CCSER1: variants seen among roughly 807,000 people sequenced by gnomAD.
CCSER1 encodes the protein serine-rich coiled-coil domain-containing protein 1.
A neutral mutation model predicts 82.0 loss-of-function variants in CCSER1; 41 were observed. The observed-to-expected ratio is 0.50, with a 90% CI of 0.39 to 0.65. The LOEUF is 0.65. Ranked by LOEUF, CCSER1 falls within the 30% of genes least tolerant of loss-of-function variation. The probability of loss-of-function intolerance (pLI) is 0.00; values close to 1 mark genes in which losing one functional copy is unlikely to be tolerated. For synonymous variants in CCSER1, 414 were observed against 383.9 expected (o/e 1.08, Z -0.92); for missense variants, 1,119 against 1,064.2 (o/e 1.05, Z -0.72).
intron 10 of CCSER1, among the ~76,000 whole-genome samples, chr4:91,174,372 T>C (rs1402263842): frequency 6.6e-6 from 1 of 152,166 alleles, no homozygotes; most frequent in Non-Finnish European, 1.5e-5. Flanking sequence ...GATTTCTTGA[T>C]GCAAGAGTAT....
At chr4:91,425,196 T>G (rs190762656) in intron 10 of CCSER1, among the ~76,000 whole-genome samples, 3 of 152,260 alleles carry the variant, frequency 2.0e-5, no homozygotes, top group South Asian at 2.1e-4. Context: ...TTGACATGTT[T>G]GGGTGAACAT....
intron 6 of CCSER1, among the ~76,000 whole-genome samples, chr4:90,658,765 C>T (rs1323536675): frequency 2.0e-5 from 3 of 152,130 alleles, no homozygotes; most frequent in Non-Finnish European, 4.4e-5. Context: ...AATCAATAAA[C>T]ATTTAAATAT....
rs1475322309 is a variant in CCSER1 at position 91,314,691 on chromosome 4, T to C, written c.2217+228697T>C. On this transcript the variant is annotated intron_variant, in intron 10 of 10. Coordinates refer to ENST00000509176, the MANE Select transcript of CCSER1 (RefSeq NM_001145065.2). ...ACTTTTCCAAGAGTGCTCCCTCCCT[T>C]CTTCACTGCCTTCTAAGATTCTCAA... Among the ~76,000 whole-genome samples the C allele has an allele frequency of 2.0e-5, 3 of 151,978 alleles. 1 individual carries two copies. Among genetic ancestry groups the C allele is most frequent in the South Asian group, 4.1e-4 (2 of 4,828 alleles).
chr4:90,675,540 T>C (rs542704728), intron 6 of CCSER1, among the ~76,000 whole-genome samples: 2 of 152,052 alleles, frequency 1.3e-5, no homozygotes, highest in African/African-American at 4.8e-5. Context: ...ATCTTATGGG[T>C]AGACCAATTT....
chr4:90,601,346 A>T (rs965825753), intron 5 of CCSER1, among the ~76,000 whole-genome samples: 1 of 151,760 alleles, frequency 6.6e-6, no homozygotes. Context: ...TCAGGTTGTA[A>T]ATTTCCTTTC....
intron 2 of CCSER1, among the ~76,000 whole-genome samples, chr4:90,311,418 G>T (rs1038651318): frequency 1.5e-4 from 23 of 152,072 alleles, no homozygotes; most frequent in Admixed American, 1.3e-3. Context: ...TAATTTTGCT[G>T]ATTTGATAAT....
At chr4:90,994,299 C>G (rs1460185598) in intron 9 of CCSER1, among the ~76,000 whole-genome samples, 1 of 152,078 alleles carries the variant, frequency 6.6e-6, no homozygotes. Context: ...TACAAATGTG[C>G]TCAGAACCCT....
chr4:90,169,845 T>A (rs1277331975), intron 1 of CCSER1, among the ~76,000 whole-genome samples: 1 of 151,948 alleles, frequency 6.6e-6, no homozygotes, highest in Non-Finnish European at 1.5e-5. Flanking sequence ...CTAGTGTCCC[T>A]CTCACGTTTT....
chr4:91,567,778 T>C (rs1762962142), intron 10 of CCSER1, among the ~76,000 whole-genome samples: 1 of 152,136 alleles, frequency 6.6e-6, no homozygotes, highest in African/African-American at 2.4e-5. Flanking sequence ...GAGATGGGAC[T>C]CTTGAAGACA....
At chr4:90,251,518 TA>T (rs896603453) in intron 1 of CCSER1, among the ~76,000 whole-genome samples, 3 of 151,898 alleles carry the variant, frequency 2.0e-5, no homozygotes, top group Non-Finnish European at 4.4e-5. Context: ...TGATATGGTA[TA>T]TTATATTGAT....
At chr4:90,214,116 G>A (rs1394435040) in intron 1 of CCSER1, among the ~76,000 whole-genome samples, 6 of 152,168 alleles carry the variant, frequency 3.9e-5, no homozygotes, top group Admixed American at 3.9e-4. Flanking sequence ...TTTCTGGAAT[G>A]AGGCGATTAA....
chr4:91,590,419 A>T (rs1178924793), intron 10 of CCSER1, among the ~76,000 whole-genome samples: 1 of 152,150 alleles, frequency 6.6e-6, no homozygotes, highest in African/African-American at 2.4e-5. Context: ...TCTCTGTAGT[A>T]GAGTGTTTCC....
At chr4:91,317,664 C>T (rs1745928360) in intron 10 of CCSER1, among the ~76,000 whole-genome samples, 1 of 151,648 alleles carries the variant, frequency 6.6e-6, no homozygotes. Context: ...CTTACTGAAG[C>T]TCATAACTGA....
intron 10 of CCSER1, among the ~76,000 whole-genome samples, chr4:91,594,422 CATATATACAT>C (rs1560788686): frequency 6.8e-6 from 1 of 146,816 alleles, no homozygotes; most frequent in African/African-American, 2.5e-5. Flanking sequence ...CATATATATA[CATATATACAT>C]ATACACACAT....
At chr4:90,954,264 A>G (rs964564881) in intron 9 of CCSER1, among the ~76,000 whole-genome samples, 1 of 152,054 alleles carries the variant, frequency 6.6e-6, no homozygotes, top group African/African-American at 2.4e-5. Context: ...ACCTCAAAGT[A>G]AAAAGATTCT....
Position 90,709,505 on chromosome 4 carries a change from G to A in CCSER1, c.1933-14409G>A, listed in dbSNP as rs903539347. Among the ~76,000 whole-genome samples, 4 of 152,130 alleles carry A rather than the reference G, an allele frequency of 2.6e-5. No homozygotes were observed. In the South Asian group the frequency reaches 8.3e-4, roughly 32 times the overall value. On this transcript the variant is annotated intron_variant, in intron 6 of 10. Transcript: ENST00000509176. ...TATGTCCATGTGTTCTCATCATTTA[G>A]GTCCCACTTAAAAGTGAGAATATAC... is the stretch of plus-strand genomic sequence containing the variant.
At chr4:90,714,757 C>G (rs1038002033) in intron 6 of CCSER1, among the ~76,000 whole-genome samples, 4 of 151,952 alleles carry the variant, frequency 2.6e-5, no homozygotes, top group African/African-American at 4.8e-5. Context: ...CAAGATAAAA[C>G]CAATAAGCTT....
intron 10 of CCSER1, among the ~76,000 whole-genome samples, chr4:91,181,130 G>T (rs565815355): frequency 1.3e-5 from 2 of 152,330 alleles, no homozygotes; most frequent in East Asian, 1.9e-4. Context: ...GTGCTGCAGA[G>T]ATTTTGTTTA....
intron 4 of CCSER1, among the ~76,000 whole-genome samples, chr4:90,434,201 T>G (rs1758702489): frequency 6.6e-6 from 1 of 152,148 alleles, no homozygotes; most frequent in African/African-American, 2.4e-5. Context: ...TTTATTTCTC[T>G]TCATATCCAT....
Sources: gnomAD v4.1 joint callset for allele counts (sites outside exome capture counted in the v4.1 genomes callset) on GRCh38, gnomAD v4.1.1 for gene constraint, MANE v1.5 for transcripts, NCBI Gene and HGNC (gene_info 2026-07-23, HGNC 2026-07-21) for gene names.